Variants in AGBL4 observed in about 807,000 individuals in gnomAD.
AGBL4 encodes the protein cytosolic carboxypeptidase 6.
A neutral mutation model predicts 66.4 loss-of-function variants in AGBL4; 58 were observed. The ratio of observed to expected loss-of-function variants is 0.87; its 90% CI spans 0.71 to 1.09. AGBL4 has a LOEUF of 1.09. Ranked by LOEUF, AGBL4 falls within the 50% of genes least tolerant of loss-of-function variation. AGBL4 has a pLI of 0.00. For synonymous variants in AGBL4, 234 were observed against 222.9 expected, an observed-to-expected ratio of 1.05 and a Z score of -0.44; for missense variants, 579 against 631.0, an observed-to-expected ratio of 0.92 and a Z score of 0.88.
intron 6 of AGBL4, among the ~76,000 whole-genome samples, chr1:48,795,184 A>C (rs1645642232): frequency 6.6e-6 from 1 of 152,208 alleles, no homozygotes; most frequent in African/African-American, 2.4e-5. Context: ...CAGAATGATC[A>C]TGCTCAAATG....
At chr1:49,267,230 A>C (rs1162458491) in intron 3 of AGBL4, among the ~76,000 whole-genome samples, 1 of 152,184 alleles carries the variant, frequency 6.6e-6, no homozygotes, top group Non-Finnish European at 1.5e-5. Flanking sequence ...TGAAATTAGT[A>C]CCATAGTACA....
At chr1:49,207,542 T>TTCTTTCTTTCTTTC (rs1648288037) in intron 4 of AGBL4, among the ~76,000 whole-genome samples, 2 of 77,976 alleles carry the variant, frequency 2.6e-5, no homozygotes, top group African/African-American at 9.8e-5. Flanking sequence ...TTTTTCTTTC[T>TTCTTTCTTTCTTTC]TTTCTTTCTT....
intron 6 of AGBL4, among the ~76,000 whole-genome samples, chr1:48,726,730 T>C (rs978020301): frequency 6.6e-6 from 1 of 152,254 alleles, no homozygotes; most frequent in Non-Finnish European, 1.5e-5. Context: ...TACCAATTAA[T>C]GGATGACCCA....
At chr1:49,171,949 C>T (rs536424611) in intron 4 of AGBL4, among the ~76,000 whole-genome samples, 2 of 152,282 alleles carry the variant, frequency 1.3e-5, no homozygotes, top group African/African-American at 4.8e-5. Flanking sequence ...GAGACAGGGA[C>T]ATTTAAGCAC....
In AGBL4 at chr1:49,565,092, G is replaced by A. The variant is rs182954425; in HGVS notation, c.282+132221C>T. On this transcript the variant is annotated intron_variant, in intron 3 of 13. Transcript: ENST00000371839. Reference sequence around the variant, plus strand: ...TCTTTGTCTCTTTTGATCTTTGTTGGTTTAAAGTCTGTTTTTTCTGAGACA... The same window carrying A: ...TCTTTGTCTCTTTTGATCTTTGTTGATTTAAAGTCTGTTTTTTCTGAGACA... 3.1e-3 allele frequency among the ~76,000 whole-genome samples: 465 copies of A among 152,200 alleles called. 1 individual carries two copies. The highest frequency in any genetic ancestry group is 4.6e-3 in the Non-Finnish European group (311 of 68,026).
intron 11 of AGBL4, among the ~76,000 whole-genome samples, chr1:48,578,353 T>A (rs955784836): frequency 3.3e-5 from 5 of 152,154 alleles, no homozygotes; most frequent in Non-Finnish European, 7.4e-5. Flanking sequence ...GGATTCATAT[T>A]TAAAGATCAA....
chr1:48,964,993 C>T (rs1384724200), intron 5 of AGBL4, among the ~76,000 whole-genome samples: 1 of 152,138 alleles, frequency 6.6e-6, no homozygotes, highest in Non-Finnish European at 1.5e-5. Context: ...TCCACTATAT[C>T]ACACTACCTC....
At chr1:48,622,658 AT>A (rs2148398652) in intron 9 of AGBL4, among the ~76,000 whole-genome samples, 1 of 151,490 alleles carries the variant, frequency 6.6e-6, no homozygotes, top group Non-Finnish European at 1.5e-5. Context: ...TAATTTTTGT[AT>A]TTTTAGTAGA....
At chr1:48,747,360 G>A (rs1195537415) in intron 6 of AGBL4, among the ~76,000 whole-genome samples, 1 of 152,144 alleles carries the variant, frequency 6.6e-6, no homozygotes, top group African/African-American at 2.4e-5. Flanking sequence ...GGTAAAGGAA[G>A]CTTTTAAAAA....
intron 3 of AGBL4, among the ~76,000 whole-genome samples, chr1:49,460,737 T>C (rs914037649): frequency 3.3e-5 from 5 of 151,690 alleles, no homozygotes; most frequent in South Asian, 2.1e-4. Flanking sequence ...TGGTGTATTT[T>C]GAGGATTTGT....
intron 3 of AGBL4, among the ~76,000 whole-genome samples, chr1:49,636,662 A>G (rs1645678426): frequency 1.3e-5 from 2 of 152,344 alleles, no homozygotes; most frequent in East Asian, 3.9e-4. Flanking sequence ...TGAATTCAGG[A>G]AATAGAAAAA....
At chr1:49,528,274 G>T (rs1049467886) in intron 3 of AGBL4, among the ~76,000 whole-genome samples, 1 of 151,954 alleles carries the variant, frequency 6.6e-6, no homozygotes, top group Non-Finnish European at 1.5e-5. Context: ...AAGTACTCAT[G>T]GTACTTATGA....
At chr1:49,067,144 G>A (rs998882088) in intron 4 of AGBL4, among the ~76,000 whole-genome samples, 3 of 152,160 alleles carry the variant, frequency 2.0e-5, no homozygotes, top group Non-Finnish European at 4.4e-5. Context: ...TTGGGCAGGA[G>A]GGTCGGGTGT....
chr1:48,789,061 C>A (rs952451787), intron 6 of AGBL4, among the ~76,000 whole-genome samples: 3 of 152,058 alleles, frequency 2.0e-5, no homozygotes, highest in Non-Finnish European at 4.4e-5. Flanking sequence ...TTGTTGTTAT[C>A]CCTATTTTAT....
intron 4 of AGBL4, among the ~76,000 whole-genome samples, chr1:49,199,661 C>A (rs1647531655): frequency 6.6e-6 from 1 of 152,172 alleles, no homozygotes; most frequent in Non-Finnish European, 1.5e-5. Flanking sequence ...CACTTAGTCT[C>A]CTGGCACCAT....
chr1:49,057,426 A>C (rs995750718), intron 4 of AGBL4, among the ~76,000 whole-genome samples: 1 of 152,188 alleles, frequency 6.6e-6, no homozygotes, highest in Non-Finnish European at 1.5e-5. Flanking sequence ...AAAACAAAAA[A>C]GAAAAAGAAA....
In AGBL4 at chr1:48,659,796, T is replaced by C. The variant is rs74076211; in HGVS notation, c.724+3356A>G. On this transcript the variant is annotated intron_variant, in intron 7 of 13. Coordinates refer to ENST00000371839, the MANE Select transcript of AGBL4 (RefSeq NM_032785.4). ...CTCATGGAGGCCCTGGCACCGGCCATGTGCTCCATTAGTGCTAGCTCCTCC... is the reference window on the plus strand; with the variant it reads ...CTCATGGAGGCCCTGGCACCGGCCACGTGCTCCATTAGTGCTAGCTCCTCC... Among the ~76,000 whole-genome samples, 1,495 of 152,352 alleles carry C rather than the reference T, an allele frequency of 9.8e-3. 28 individuals carry two copies. Among genetic ancestry groups the C allele is most frequent in the African/African-American group, 0.034 (1,410 of 41,586 alleles).
intron 3 of AGBL4, among the ~76,000 whole-genome samples, chr1:49,513,357 A>G (rs1649451648): frequency 6.6e-6 from 1 of 151,970 alleles, no homozygotes. Flanking sequence ...TGGGATTTGG[A>G]ATATGGATCC....
At chr1:49,145,150 G>A (rs993827408) in intron 4 of AGBL4, among the ~76,000 whole-genome samples, 36 of 152,144 alleles carry the variant, frequency 2.4e-4, no homozygotes, top group Admixed American at 3.9e-4. Flanking sequence ...AAAAGTAAGG[G>A]AGGAAAGGAT....
Sources: gnomAD v4.1 joint callset for allele counts (sites outside exome capture counted in the v4.1 genomes callset) on GRCh38, gnomAD v4.1.1 for gene constraint, MANE v1.5 for transcripts, NCBI Gene and HGNC (gene_info 2026-07-23, HGNC 2026-07-21) for gene names.